Variants in PLBD1 observed in about 807,000 individuals in gnomAD.
PLBD1 encodes lysosomal leucine aminopeptidase.
In PLBD1, 60 loss-of-function variants were observed where a neutral mutation model predicts 63.0. That is an observed-to-expected ratio of 0.95 (90% CI 0.77 to 1.18). PLBD1 has a LOEUF of 1.18. Among genes scored for constraint, PLBD1 ranks in the 50% most tolerant of loss-of-function variants. The pLI, the probability that PLBD1 is intolerant of heterozygous loss-of-function variation, is 0.00. For synonymous variants in PLBD1, 262 were observed against 248.0 expected (o/e 1.06, Z -0.53); for missense variants, 598 against 677.9 (o/e 0.88, Z 1.31).
chr12:14,515,843 G>C (rs1034366990), intron 6 of PLBD1, among the ~76,000 whole-genome samples: 28 of 151,552 alleles, frequency 1.8e-4, no homozygotes, highest in African/African-American at 6.3e-4. Context: ...TTTGAGGTCA[G>C]GAGTTTGAGA....
intron 8 of PLBD1, among the ~76,000 whole-genome samples, chr12:14,508,757 G>A (rs1433388350): frequency 1.3e-5 from 2 of 152,024 alleles, no homozygotes; most frequent in South Asian, 2.1e-4. Flanking sequence ...GTGACAAAGC[G>A]AGACCCTGTC....
chr12:14,527,301 GAAC>G (rs1008302248), intron 6 of PLBD1, among the ~76,000 whole-genome samples: 5 of 151,970 alleles, frequency 3.3e-5, no homozygotes, highest in Non-Finnish European at 5.9e-5. Flanking sequence ...ATTTACTAAA[GAAC>G]AACAGGGTCA....
intron 4 of PLBD1, among the ~76,000 whole-genome samples, chr12:14,538,628 C>T (rs549824868): frequency 1.2e-4 from 19 of 152,242 alleles, no homozygotes; most frequent in African/African-American, 2.2e-4. Context: ...TAATCTTGGA[C>T]GCTTCATTTT....
chr12:14,545,059 C>A (rs1945607063), intron 2 of PLBD1, among the ~76,000 whole-genome samples: 1 of 152,148 alleles, frequency 6.6e-6, no homozygotes, highest in African/African-American at 2.4e-5. Context: ...ATGCCTCCAT[C>A]TGAGTCCTAG....
At chr12:14,532,039 T>A (rs1440541758) in intron 6 of PLBD1, among the ~76,000 whole-genome samples, 1 of 152,186 alleles carries the variant, frequency 6.6e-6, no homozygotes, top group Non-Finnish European at 1.5e-5. Context: ...GCTTCACAAT[T>A]TAAGTCAAGT....
chr12:14,532,059 T>A (rs989605387), intron 6 of PLBD1, among the ~76,000 whole-genome samples: 1 of 152,116 alleles, frequency 6.6e-6, no homozygotes, highest in Non-Finnish European at 1.5e-5. Flanking sequence ...TCTTCATGAG[T>A]CAAATCTCTT....
rs552844253 is a variant in PLBD1, at chr12:14,558,239, A to G, written c.116-4827T>C. Among the ~76,000 whole-genome samples the G allele has an allele frequency of 2.6e-5, 4 of 152,278 alleles. No individual in the cohort carries two copies. In the South Asian group the frequency reaches 6.2e-4, roughly 24 times the overall value. On this transcript the variant is annotated intron_variant, in intron 1 of 10. Coordinates refer to ENST00000240617, the MANE Select transcript of PLBD1 (RefSeq NM_024829.6). The stretch of plus-strand genomic sequence containing the variant: ...CTAAGTCAATTGACTTCTGAGTACA[A>G]TGACCATCATGGCAGGCCTTCACAA...
intron 6 of PLBD1, among the ~76,000 whole-genome samples, chr12:14,514,471 A>C (rs1474516865): frequency 6.6e-6 from 1 of 152,216 alleles, no homozygotes; most frequent in African/African-American, 2.4e-5. Context: ...AGGTGATTGA[A>C]TATTACAAGT....
intron 6 of PLBD1, chr12:14,530,318 C>T (rs1384785960): frequency 6.6e-6 from 1 of 152,166 alleles, no homozygotes; most frequent in Admixed American, 6.5e-5. Flanking sequence ...ATTGAGTCTT[C>T]CAGCTGAGGC....
At chr12:14,560,113 G>A (rs760423853) in intron 1 of PLBD1, among the ~76,000 whole-genome samples, 8 of 152,104 alleles carry the variant, frequency 5.3e-5, no homozygotes, top group Non-Finnish European at 7.3e-5. Flanking sequence ...GCCTGCCTTG[G>A]CCTCCCAAAG....
At chr12:14,503,995 T>G (rs1279478932) in intron 10 of PLBD1, 41 bp from the exon 11 acceptor site, 2 of 1,551,460 alleles carry the variant, frequency 1.3e-6, no homozygotes, top group Non-Finnish European at 1.8e-6. Context: ...AAAATCATCG[T>G]TCAGCAAAAA....
In PLBD1 at chr12:14,503,709, A is replaced by T. The variant is rs978654803; in HGVS notation, c.*63T>A. The stretch of plus-strand genomic sequence containing the variant: ...TTATTGCATAATTCTGATGGGAAAA[A>T]CATAGCTAAAATAGTGCCTTTGGTA... On this transcript the variant is annotated 3_prime_UTR_variant, in exon 11 of 11. Transcript: ENST00000240617. 9 of 1,408,906 alleles carry T rather than the reference A, an allele frequency of 6.4e-6. No individual in the cohort carries two copies. The highest frequency in any genetic ancestry group is 8.8e-6 in the Non-Finnish European group (9 of 1,020,892). The allele number at this position is 1,408,906 out of a possible 1,614,324, so 87.3% of individuals were successfully genotyped here.
rs773839439 is a variant in PLBD1, at chr12:14,567,623, A to G, written c.74T>C (p.Leu25Pro). ...CTCCGCGGTGACTAACAACAGCGGC[A>G]GCAGCAGCAGCAGCAGCAGAAGCGG... ...PPPLLLLLLL[L>P]PLLLVTAEPP... Residue 25 changes from leucine (L) to proline (P), a missense_variant, in exon 1 of 11, where the codon CTG becomes CCG. Coordinates refer to ENST00000240617, the MANE Select transcript of PLBD1 (RefSeq NM_024829.6). The G allele has an allele frequency of 2.8e-4, 51 of 182,526 alleles. No homozygotes were observed. The African/African-American group carries it at 4.1e-3, about 15-fold the overall frequency. 11.3% of individuals were successfully genotyped at this position (182,526 alleles called of 1,614,324 possible). A position where few individuals can be genotyped will look rare whatever the true frequency, so the allele number is the denominator to read the frequency against.
intron 2 of PLBD1, among the ~76,000 whole-genome samples, chr12:14,550,659 A>G (rs1483099355): frequency 6.6e-6 from 1 of 152,086 alleles, no homozygotes; most frequent in Non-Finnish European, 1.5e-5. Context: ...CAGGTGGATC[A>G]TCTGAGGTCA....
chr12:14,524,105 G>C (rs1157802921), intron 6 of PLBD1, among the ~76,000 whole-genome samples: 2 of 152,002 alleles, frequency 1.3e-5, no homozygotes, highest in Non-Finnish European at 2.9e-5. Flanking sequence ...ATCTATAAAA[G>C]CCGATCTCAT....
At chr12:14,543,309 C>T (rs949548518) in intron 2 of PLBD1, among the ~76,000 whole-genome samples, 9 of 152,234 alleles carry the variant, frequency 5.9e-5, no homozygotes, top group African/African-American at 2.2e-4. Context: ...ATATTTCTCT[C>T]TTCCTCCAAA....
chr12:14,543,592 G>C (rs1041482233), intron 2 of PLBD1, among the ~76,000 whole-genome samples: 5 of 152,022 alleles, frequency 3.3e-5, no homozygotes, highest in African/African-American at 1.2e-4. Flanking sequence ...GGCCCTGGAG[G>C]CGTGCACCTG....
intron 2 of PLBD1, among the ~76,000 whole-genome samples, chr12:14,544,757 C>T (rs773303231): frequency 5.0e-4 from 76 of 152,000 alleles, no homozygotes; most frequent in Admixed American, 9.8e-4. Context: ...AAATTAACTT[C>T]TATAATTTTC....
chr12:14,503,893 T>C lies in PLBD1; in HGVS notation c.1541A>G (p.Gln514Arg), dbSNP rs1038564277. Residue 514 changes from glutamine (Q) to arginine (R), a missense_variant, in exon 11 of 11, where the codon CAA (glutamine) becomes CGA (arginine). Physicochemically the swap from Gln to Arg is conservative, Grantham distance 43 (BLOSUM62 1). Coordinates refer to ENST00000240617, the MANE Select transcript of PLBD1 (RefSeq NM_024829.6). ...TSYAISGPTVQGGLPVFRWDR... is the reference protein window; with the variant it reads ...TSYAISGPTVRGGLPVFRWDR... ...CCAGCGAAAAACAGGGAGGCCACCT[T>C]GTACTGTGGGACCACTTATGGCATA... is the stretch of plus-strand genomic sequence containing the variant. 5 of 1,614,040 alleles carry C rather than the reference T, an allele frequency of 3.1e-6. No individual in the cohort carries two copies.
Sources: allele counts gnomAD v4.1 joint callset (sites outside exome capture counted in the v4.1 genomes callset), GRCh38; gene constraint gnomAD v4.1.1; transcripts MANE v1.5; gene names NCBI Gene and HGNC (gene_info 2026-07-23, HGNC 2026-07-21).